Variants in FBLN5 observed in about 807,000 individuals in gnomAD.
FBLN5 encodes fibulin 5.
FBLN5 carries 24 observed loss-of-function variants against 61.6 expected under a neutral mutation model. The ratio of observed to expected loss-of-function variants is 0.39; its 90% CI spans 0.28 to 0.55. FBLN5 has a LOEUF of 0.55. Ranked by LOEUF, FBLN5 falls within the 20% of genes least tolerant of loss-of-function variation. The probability of loss-of-function intolerance (pLI) is 0.65; values close to 1 mark genes in which losing one functional copy is unlikely to be tolerated. For synonymous variants in FBLN5, 213 were observed against 219.8 expected (o/e 0.97, Z 0.27); for missense variants, 470 against 594.1 (o/e 0.79, Z 2.17).
At chr14:91,935,264 G>C (rs1033980410) in intron 4 of FBLN5, among the ~76,000 whole-genome samples, 7 of 152,214 alleles carry the variant, frequency 4.6e-5, no homozygotes, top group African/African-American at 1.7e-4. Flanking sequence ...AGAGGTTTAG[G>C]GGAAGGAGGG....
intron 9 of FBLN5, among the ~76,000 whole-genome samples, chr14:91,880,529 G>A (rs1257808696): frequency 2.0e-3 from 41 of 20,404 alleles, no homozygotes; most frequent in African/African-American, 6.4e-3. Flanking sequence ...GTGCGTGCGT[G>A]TGTGTGTGTG....
intron 7 of FBLN5, among the ~76,000 whole-genome samples, chr14:91,884,493 C>T (rs1889636954): frequency 6.6e-6 from 1 of 152,152 alleles, no homozygotes; most frequent in Admixed American, 6.5e-5. Context: ...CTTTACATGC[C>T]TCCTCTTATT....
intron 6 of FBLN5, among the ~76,000 whole-genome samples, chr14:91,889,669 C>T (rs1889897200): frequency 6.6e-6 from 1 of 152,250 alleles, no homozygotes; most frequent in African/African-American, 2.4e-5. Flanking sequence ...GTGTACAGCA[C>T]TCTTCCACAC....
rs912544708 is a variant in FBLN5, at chr14:91,913,207, C to T, written c.380-18135G>A. Among the ~76,000 whole-genome samples, 24 of 152,102 alleles carry T rather than the reference C, an allele frequency of 1.6e-4. 1 individual carries two copies. Among genetic ancestry groups the T allele is most frequent in the Non-Finnish European group, 3.1e-4 (21 of 68,030 alleles). Reference sequence around the variant, plus strand: ...TGTACAGAACAAAAAATACACATCACGAACCCAACCAGCCCCTCCACTAAC... The same window carrying T: ...TGTACAGAACAAAAAATACACATCATGAACCCAACCAGCCCCTCCACTAAC... On this transcript the variant is annotated intron_variant, in intron 4 of 10. Transcript: ENST00000342058.
At chr14:91,880,543 GTGTGT>G (rs1192145131) in intron 9 of FBLN5, among the ~76,000 whole-genome samples, 5 of 151,764 alleles carry the variant, frequency 3.3e-5, no homozygotes, top group African/African-American at 1.2e-4. Context: ...GTGTGTGTGT[GTGTGT>G]GTGTGTGTGT....
chr14:91,874,093 A>T (rs1224147566), intron 10 of FBLN5: 2 of 152,308 alleles, frequency 1.3e-5, no homozygotes, highest in South Asian at 2.1e-4. Flanking sequence ...TGTGGGCATA[A>T]GTGTGTGCAT....
At chr14:91,919,592 G>C (rs1385844898) in intron 4 of FBLN5, among the ~76,000 whole-genome samples, 2 of 152,156 alleles carry the variant, frequency 1.3e-5, no homozygotes, top group Non-Finnish European at 2.9e-5. Context: ...GGTCTTCAAA[G>C]AGGTAATTCA....
intron 4 of FBLN5, among the ~76,000 whole-genome samples, chr14:91,920,652 C>T (rs1253738052): frequency 6.6e-6 from 1 of 152,174 alleles, no homozygotes; most frequent in Non-Finnish European, 1.5e-5. Context: ...CCTCAACCCC[C>T]TTGGGCAGAA....
chr14:91,937,341 A>C, intron 3 of FBLN5, 140 bp from the exon 4 acceptor site: 1 of 1,064,640 alleles, frequency 9.4e-7, no homozygotes. Context: ...GCGGTAAGGT[A>C]CCCCAAATGT....
intron 2 of FBLN5, among the ~76,000 whole-genome samples, chr14:91,942,538 G>A (rs2140055460): frequency 6.6e-6 from 1 of 152,346 alleles, no homozygotes; most frequent in African/African-American, 2.4e-5. Flanking sequence ...AATGGATGCT[G>A]GGCTTAATAC....
chr14:91,926,907 A>G (rs1374793119), intron 4 of FBLN5, among the ~76,000 whole-genome samples: 2 of 152,120 alleles, frequency 1.3e-5, no homozygotes, highest in Non-Finnish European at 2.9e-5. Context: ...TCATTGTCCC[A>G]TCTTGTAGCT....
At chr14:91,889,616 T>C (rs1470135135) in intron 6 of FBLN5, among the ~76,000 whole-genome samples, 4 of 152,178 alleles carry the variant, frequency 2.6e-5, no homozygotes, top group Non-Finnish European at 5.9e-5. Flanking sequence ...GGCTATTTAT[T>C]ATTTGGGTTC....
At chr14:91,883,645 T>TAAA (rs765183580) in intron 7 of FBLN5, among the ~76,000 whole-genome samples, 19 of 80,090 alleles carry the variant, frequency 2.4e-4, no homozygotes, top group East Asian at 2.0e-3. Context: ...CTTCACTGTG[T>TAAA]AAAAAAAAAA....
chr14:91,895,885 C>T (rs953763427), intron 4 of FBLN5, among the ~76,000 whole-genome samples: 2 of 150,866 alleles, frequency 1.3e-5, no homozygotes, highest in African/African-American at 2.4e-5. Flanking sequence ...GAAAATCTTT[C>T]GGTCTGAAGC....
At chr14:91,922,817 C>G (rs1036561999) in intron 4 of FBLN5, among the ~76,000 whole-genome samples, 3 of 152,150 alleles carry the variant, frequency 2.0e-5, no homozygotes, top group African/African-American at 7.2e-5. Context: ...CTCACAGGAC[C>G]AGGCCAGGCC....
Position 91,947,050 on chromosome 14 carries a change from G to A in FBLN5, c.17+163C>T. On this transcript the variant is annotated intron_variant, in intron 1 of 10. Coordinates refer to ENST00000342058, the MANE Select transcript of FBLN5 (RefSeq NM_006329.4). This position sits in a 1 kb window ranked among gnomAD's most constrained non-coding sequence, Gnocchi z 4.3. ...AACGCTTCAAGATGGAAATTACAGA[G>A]GCGCAGCTTTTTATAATTAACAATA... 1 of 1,539,698 alleles carries A rather than the reference G, an allele frequency of 6.5e-7. No homozygotes were observed. The highest frequency in any genetic ancestry group is 1.2e-5 in the South Asian group (1 of 82,524).
chr14:91,915,686 CAAAAAAAAAAAAA>C lies in FBLN5; in HGVS notation c.380-20627_380-20615del, dbSNP rs34675184. 2.3e-4 allele frequency among the ~76,000 whole-genome samples: 10 copies of C among 43,742 alleles called. 1 individual carries two copies. In the East Asian group the frequency reaches 0.011, roughly 48 times the overall value. The allele number at this position is 43,742 out of a possible 152,430, so 28.7% of individuals were successfully genotyped here. A position where few individuals can be genotyped will look rare whatever the true frequency, so the allele number is the denominator to read the frequency against. On this transcript the variant is annotated intron_variant, in intron 4 of 10. Coordinates refer to ENST00000342058, the MANE Select transcript of FBLN5 (RefSeq NM_006329.4). ...TGGGCGACAGAGCAAGACTCCATCT[CAAAAAAAAAAAAA>C]AAAAAAAAAAAAGAAATCATATCAG...
intron 9 of FBLN5, among the ~76,000 whole-genome samples, chr14:91,880,526 C>CGTGTGTGTGT (rs140201135): frequency 4.5e-4 from 67 of 147,558 alleles, no homozygotes; most frequent in African/African-American, 1.2e-3. Context: ...AGTGTGCGTG[C>CGTGTGTGTGT]GTGTGTGTGT....
rs577779697 is a variant in FBLN5, at chr14:91,945,461, A to C, written c.17+1752T>G. ...GAAATACCTATTGGGTGCCATAACA[A>C]CCAGGCTGTGGGTAGCAACAAGACT... On this transcript the variant is annotated intron_variant, in intron 1 of 10. Transcript: ENST00000342058. Among the ~76,000 whole-genome samples the C allele has an allele frequency of 2.0e-5, 3 of 152,268 alleles. No homozygotes were observed. The South Asian group carries it at 6.2e-4, about 32-fold the overall frequency.
Sources: gnomAD v4.1 joint callset for allele counts (sites outside exome capture counted in the v4.1 genomes callset) on GRCh38, gnomAD v4.1.1 for gene constraint, Gnocchi (gnomAD v3.1) non-coding constraint, MANE v1.5 for transcripts, NCBI Gene and HGNC (gene_info 2026-07-23, HGNC 2026-07-21) for gene names.